The following OR4N2 variants were observed in gnomAD, a reference collection of about 807,000 sequenced individuals.
OR4N2 encodes the protein olfactory receptor family 4 subfamily N member 2.
For synonymous variants in OR4N2, 141 were observed against 140.4 expected, an observed-to-expected ratio of 1.00 and a Z score of -0.03; for missense variants, 307 against 377.6, an observed-to-expected ratio of 0.81 and a Z score of 1.55.
chr14:19,813,956 C>G (rs1218598684), intron 1 of OR4N2, among the ~76,000 whole-genome samples: 1 of 151,416 alleles, frequency 6.6e-6, no homozygotes, highest in East Asian at 1.9e-4. Flanking sequence ...GTACTTCTCT[C>G]TCTCTCTTTT....
rs1177954885 is a variant in OR4N2 at position 19,828,728 on chromosome 14, A to T, written c.*356A>T. 4.5e-6 allele frequency: 1 copy of T among 221,310 alleles called. No individual in the cohort carries two copies. Among genetic ancestry groups the T allele is most frequent in the African/African-American group, 2.3e-5 (1 of 42,634 alleles). The allele number at this position is 221,310 out of a possible 1,614,324, so 13.7% of individuals were successfully genotyped here. ...TTGAAGAGCTGACGTTTTGGATGAT[A>T]TCTGGATAAACTGAAGAAGGCAAAC... On this transcript the variant is annotated 3_prime_UTR_variant, in exon 2 of 2. Transcript: ENST00000557677.
intron 1 of OR4N2, among the ~76,000 whole-genome samples, chr14:19,805,848 G>A (rs1215677662): frequency 1.3e-5 from 2 of 152,122 alleles, no homozygotes; most frequent in African/African-American, 2.4e-5. Context: ...ATGTACGAAG[G>A]GAACCCCATC....
In OR4N2 at chr14:19,828,293, T is replaced by G; in HGVS notation, c.845T>G (p.Leu282Trp). ...SLFHTVIFPL[L>W]NPVIYTLRNQ... ...TTCCACACAGTGATTTTTCCTTTGTTGAATCCTGTCATTTATACCCTTCGC... is the reference window on the plus strand; with the variant it reads ...TTCCACACAGTGATTTTTCCTTTGTGGAATCCTGTCATTTATACCCTTCGC... The change falls in exon 2 of 2, where the codon TTG becomes TGG. Residue 282 changes from leucine to tryptophan, a missense_variant. Transcript: ENST00000557677. The G allele has an allele frequency of 1.2e-6, 2 of 1,614,162 alleles. No individual in the cohort carries two copies. The highest frequency in any genetic ancestry group is 1.7e-6 in the Non-Finnish European group (2 of 1,180,030).
At chr14:19,812,394 A>G (rs1488614374) in intron 1 of OR4N2, among the ~76,000 whole-genome samples, 6 of 148,052 alleles carry the variant, frequency 4.1e-5, no homozygotes, top group Non-Finnish European at 7.4e-5. Context: ...CAGTGGCGCA[A>G]TCTCGGCTCA....
intron 1 of OR4N2, among the ~76,000 whole-genome samples, chr14:19,819,489 C>A (rs568759496): frequency 2.6e-5 from 4 of 152,374 alleles, no homozygotes; most frequent in African/African-American, 7.2e-5. Context: ...GCTATTGATA[C>A]TTGCGTATGC....
chr14:19,817,398 C>T (rs1473858170), intron 1 of OR4N2, among the ~76,000 whole-genome samples: 1 of 152,224 alleles, frequency 6.6e-6, no homozygotes, highest in Non-Finnish European at 1.5e-5. Context: ...AGGGATTTGA[C>T]TTCTTCCTGG....
At chr14:19,819,955 T>A (rs1405343420) in intron 1 of OR4N2, among the ~76,000 whole-genome samples, 5 of 152,262 alleles carry the variant, frequency 3.3e-5, no homozygotes, top group African/African-American at 1.2e-4. Flanking sequence ...CTGCTGCAGG[T>A]CTGCTGGAGT....
rs1167979831 is a variant in OR4N2 at position 19,829,555 on chromosome 14, G to C, written c.*1183G>C. ...TTGCTACAATCTTAGCCATCTGTTT[G>C]TCTGAAAAACACTACAATTTTAGCC... On this transcript the variant is annotated 3_prime_UTR_variant, in exon 2 of 2. Transcript: ENST00000557677. 6.6e-6 allele frequency: 1 copy of C among 151,906 alleles called. No homozygotes were observed. Among genetic ancestry groups the C allele is most frequent in the Non-Finnish European group, 1.5e-5 (1 of 68,040 alleles). 9.4% of individuals were successfully genotyped at this position (151,906 alleles called of 1,614,324 possible). A position where few individuals can be genotyped will look rare whatever the true frequency, so the allele number is the denominator to read the frequency against.
At chr14:19,816,186 T>C (rs1287688260) in intron 1 of OR4N2, among the ~76,000 whole-genome samples, 1 of 38,328 alleles carries the variant, frequency 2.6e-5, no homozygotes, top group Non-Finnish European at 6.8e-5. Flanking sequence ...ATACAGGCTC[T>C]TTTTTTGTTC....
At chr14:19,819,005 T>A (rs1324424822) in intron 1 of OR4N2, among the ~76,000 whole-genome samples, 23 of 152,264 alleles carry the variant, frequency 1.5e-4, no homozygotes, top group Admixed American at 1.4e-3. Flanking sequence ...TGTTGAATAT[T>A]GGCCCCCACT....
intron 1 of OR4N2, among the ~76,000 whole-genome samples, chr14:19,811,118 A>G (rs186419280): frequency 5.4e-4 from 83 of 152,358 alleles, no homozygotes; most frequent in Non-Finnish European, 9.7e-4. Flanking sequence ...AAGAAAGGAT[A>G]CCATTTCCCA....
chr14:19,825,573 T>A (rs1879675108), intron 1 of OR4N2, among the ~76,000 whole-genome samples: 1 of 145,816 alleles, frequency 6.9e-6, no homozygotes, highest in Admixed American at 6.8e-5. Context: ...TTATTTATTT[T>A]GAGACGGAGT....
intron 1 of OR4N2, among the ~76,000 whole-genome samples, chr14:19,814,018 A>G (rs1213760157): frequency 6.6e-6 from 1 of 152,026 alleles, no homozygotes; most frequent in African/African-American, 2.4e-5. Flanking sequence ...AATGTAAAAT[A>G]AATTAGAACA....
At chr14:19,810,238 A>T in intron 1 of OR4N2, among the ~76,000 whole-genome samples, 1 of 152,404 alleles carries the variant, frequency 6.6e-6, no homozygotes, top group Middle Eastern at 3.4e-3. Context: ...CATATGAAAA[A>T]ATGTTCGACA....
At chr14:19,812,302 C>CT (rs202011658) in intron 1 of OR4N2, among the ~76,000 whole-genome samples, 19,976 of 128,654 alleles carry the variant, frequency 0.16, 1,001 homozygotes, top group East Asian at 0.5. Flanking sequence ...TTTGACTTTT[C>CT]TTTTTTTTTT....
intron 1 of OR4N2, among the ~76,000 whole-genome samples, chr14:19,819,942 C>T (rs747115517): frequency 5.9e-5 from 9 of 152,360 alleles, no homozygotes; most frequent in South Asian, 2.1e-4. Flanking sequence ...CAGTCAGGCC[C>T]CTCTGCTGCA....
chr14:19,812,270 CTCTTT>C (rs1879315145), intron 1 of OR4N2, among the ~76,000 whole-genome samples: 1 of 149,828 alleles, frequency 6.7e-6, no homozygotes, highest in Non-Finnish European at 1.5e-5. Context: ...AAAGAAAATT[CTCTTT>C]GAATTTTCTG....
chr14:19,820,270 G>A (rs529700545), intron 1 of OR4N2, among the ~76,000 whole-genome samples: 47 of 152,370 alleles, frequency 3.1e-4, no homozygotes, highest in African/African-American at 9.9e-4. Context: ...AGAGTTTTTT[G>A]TGTCTCTATC....
intron 1 of OR4N2, among the ~76,000 whole-genome samples, chr14:19,825,526 C>CTTATTTATTTAT (rs71108560): frequency 1.8e-4 from 26 of 140,752 alleles, no homozygotes; most frequent in Middle Eastern, 3.5e-3. Flanking sequence ...TGCTAGAGCA[C>CTTATTTATTTAT]TTATTTATTT....
Sources: allele counts gnomAD v4.1 joint callset (sites outside exome capture counted in the v4.1 genomes callset), GRCh38; gene constraint gnomAD v4.1.1; transcripts MANE v1.5; gene names NCBI Gene and HGNC (gene_info 2026-07-23, HGNC 2026-07-21).